The following PMP22 variants were observed in gnomAD, a reference collection of about 807,000 sequenced individuals.
PMP22 encodes the protein peripheral myelin protein 22.
A neutral mutation model predicts 18.9 loss-of-function variants in PMP22; 2 were observed. The observed-to-expected ratio is 0.11, with a 90% CI of 0.04 to 0.33. The LOEUF (loss-of-function observed/expected upper bound fraction) is 0.33, where lower values mean the gene tolerates loss of function less well. Among genes scored for constraint, PMP22 ranks in the 10% least tolerant of loss-of-function variants. The pLI is 1.00. For missense variants in PMP22, 169 were observed against 202.2 expected (o/e 0.84, Z 1.00); for synonymous variants, 95 against 89.2 (o/e 1.07, Z -0.37).
intron 4 of PMP22, among the ~76,000 whole-genome samples, chr17:15,237,372 A>G (rs1238018499): frequency 6.6e-6 from 1 of 152,242 alleles, no homozygotes; most frequent in Non-Finnish European, 1.5e-5. Context: ...CAGCAGGATG[A>G]ATGAAGATGA....
intron 3 of PMP22, among the ~76,000 whole-genome samples, chr17:15,242,892 C>T (rs1907471277): frequency 6.6e-6 from 1 of 151,974 alleles, no homozygotes. Context: ...TAAAAACAAA[C>T]TAGCCAAAAT....
At chr17:15,234,794 A>AT (rs1906648149) in intron 4 of PMP22, among the ~76,000 whole-genome samples, 1 of 136,168 alleles carries the variant, frequency 7.3e-6, no homozygotes, top group Non-Finnish European at 1.5e-5. Flanking sequence ...ACTTTTATTA[A>AT]TCCCCCCCCA....
intron 3 of PMP22, among the ~76,000 whole-genome samples, chr17:15,243,240 G>A (rs989731450): frequency 1.3e-5 from 2 of 151,882 alleles, no homozygotes; most frequent in Admixed American, 1.3e-4. Flanking sequence ...GGTTCTTTGG[G>A]GATACATCAA....
intron 4 of PMP22, 113 bp downstream of exon 4, chr17:15,239,358 G>A (rs1290467810): frequency 8.3e-6 from 10 of 1,209,562 alleles, no homozygotes; most frequent in Non-Finnish European, 1.2e-5. Context: ...AGCATCCAGT[G>A]GGGAGACTCA....
At chr17:15,249,976 T>C (rs34292086) in intron 3 of PMP22, among the ~76,000 whole-genome samples, 6,459 of 152,214 alleles carry the variant, frequency 0.042, 205 homozygotes, top group Non-Finnish European at 0.066. Context: ...CGTGCAGTGG[T>C]GCGATCTCGG....
intron 3 of PMP22, among the ~76,000 whole-genome samples, chr17:15,244,266 G>T (rs1262572020): frequency 1.3e-5 from 2 of 151,956 alleles, no homozygotes; most frequent in East Asian, 1.9e-4. Context: ...AAAAAAAATG[G>T]ATAATATCAG....
At chr17:15,231,162 T>C (rs1906314535) in intron 4 of PMP22, 82 bp from the exon 5 acceptor site, 4 of 1,369,272 alleles carry the variant, frequency 2.9e-6, no homozygotes, top group Non-Finnish European at 4.1e-6. Context: ...ATGCTGACAA[T>C]TGCTGGGTAG....
chr17:15,244,465 T>C (rs1907620343), intron 3 of PMP22, among the ~76,000 whole-genome samples: 1 of 152,220 alleles, frequency 6.6e-6, no homozygotes, highest in Non-Finnish European at 1.5e-5. Flanking sequence ...ACACTATATG[T>C]GTTCAAGTGC....
chr17:15,239,185 G>A (rs576074181), intron 4 of PMP22, among the ~76,000 whole-genome samples: 92 of 152,270 alleles, frequency 6.0e-4, no homozygotes, highest in Non-Finnish European at 1.2e-3. Flanking sequence ...TTTCATTCCT[G>A]TTGATACGCC....
intron 4 of PMP22, among the ~76,000 whole-genome samples, chr17:15,234,247 C>T (rs1169729546): frequency 6.6e-6 from 1 of 152,164 alleles, no homozygotes; most frequent in Non-Finnish European, 1.5e-5. Context: ...AGTGGGAACA[C>T]AGCGATGTCT....
At chr17:15,246,181 C>T (rs1234020891) in intron 3 of PMP22, among the ~76,000 whole-genome samples, 1 of 152,208 alleles carries the variant, frequency 6.6e-6, no homozygotes, top group Non-Finnish European at 1.5e-5. Flanking sequence ...GTGCAAATAT[C>T]TGCACAGATA....
At chr17:15,243,897 A>G (rs924792467) in intron 3 of PMP22, among the ~76,000 whole-genome samples, 2 of 151,540 alleles carry the variant, frequency 1.3e-5, no homozygotes, top group African/African-American at 4.8e-5. Flanking sequence ...TGAAAGAAAA[A>G]TAAAAGAATG....
chr17:15,248,103 A>T (rs954113837), intron 3 of PMP22, among the ~76,000 whole-genome samples: 1 of 152,204 alleles, frequency 6.6e-6, no homozygotes, highest in Non-Finnish European at 1.5e-5. Flanking sequence ...ACCAGCTCAA[A>T]CATGCCCAAA....
chr17:15,262,168 G>A (rs1293462735), intron 1 of PMP22, among the ~76,000 whole-genome samples: 1 of 152,168 alleles, frequency 6.6e-6, no homozygotes, highest in East Asian at 1.9e-4. Context: ...GCGAGAACTG[G>A]GCCGCCCTTA....
Position 15,258,850 on chromosome 17 carries a change from C to G in PMP22, c.178+244G>C, listed in dbSNP as rs1284241533. 2 of 564,342 alleles carry G rather than the reference C, an allele frequency of 3.5e-6. No homozygotes were observed. The highest frequency in any genetic ancestry group is 6.4e-6 in the Non-Finnish European group (2 of 312,432). The allele number at this position is 564,342 out of a possible 1,614,324, so 35.0% of individuals were successfully genotyped here. On this transcript the variant is annotated intron_variant, in intron 3 of 4. Coordinates refer to ENST00000312280, the MANE Select transcript of PMP22 (RefSeq NM_000304.4). This position sits in a 1 kb window ranked among gnomAD's most constrained non-coding sequence, Gnocchi z 4.1. ...CACAAAAAGCATTATCCTAAGTGATCAGGAGGGCACTAAGGGCATGTCTCT... is the reference window on the plus strand; with the variant it reads ...CACAAAAAGCATTATCCTAAGTGATGAGGAGGGCACTAAGGGCATGTCTCT...
intron 1 of PMP22, among the ~76,000 whole-genome samples, chr17:15,263,842 A>G (rs1191903404): frequency 2.0e-5 from 3 of 152,206 alleles, no homozygotes; most frequent in African/African-American, 7.2e-5. Flanking sequence ...GTTATATGCC[A>G]AGCACTTTGC....
intron 4 of PMP22, among the ~76,000 whole-genome samples, chr17:15,236,536 T>G (rs894737375): frequency 1.1e-4 from 17 of 152,234 alleles, no homozygotes; most frequent in Admixed American, 1.0e-3. Flanking sequence ...CTTGTAGATT[T>G]CACATCCCAT....
At chr17:15,231,367 C>A (rs1906334026) in intron 4 of PMP22, among the ~76,000 whole-genome samples, 2 of 152,210 alleles carry the variant, frequency 1.3e-5, no homozygotes, top group Admixed American at 6.5e-5. Context: ...AATTCCCAGG[C>A]CACACTACAT....
Position 15,259,100 on chromosome 17 carries a change from G to A in PMP22, c.172C>T (p.Pro58Ser), listed in dbSNP as rs772242644. 1.9e-6 allele frequency: 3 copies of A among 1,610,512 alleles called. No homozygotes were observed. The highest frequency in any genetic ancestry group is 2.5e-6 in the Non-Finnish European group (3 of 1,176,712). The change falls in exon 3 of 5, where the codon CCA becomes TCA. Residue 58 changes from proline to serine, a missense_variant. By Grantham distance (74) the Pro-to-Ser change is moderately conservative (BLOSUM62 -1). Transcript: ENST00000312280. The part of the protein sequence containing the change: ...GNVHHCFSSS[P>S]NEWLQSVQAT... The stretch of plus-strand genomic sequence containing the variant: ...AGCACAAAACCAGCCTCACCGTTTG[G>A]TGATGATGAGAAACAGTGGTGGACA...
Sources: allele counts gnomAD v4.1 joint callset (sites outside exome capture counted in the v4.1 genomes callset), GRCh38; gene constraint gnomAD v4.1.1; non-coding constraint Gnocchi (gnomAD v3.1); transcripts MANE v1.5; gene names NCBI Gene and HGNC (gene_info 2026-07-23, HGNC 2026-07-21).